The following ARHGAP36 variants were observed in gnomAD, a reference collection of about 807,000 sequenced individuals.
The protein encoded by ARHGAP36 is Rho GTPase activating protein 36.
ARHGAP36 carries 7 observed loss-of-function variants against 32.9 expected under a neutral mutation model. The ratio of observed to expected loss-of-function variants is 0.21; its 90% CI spans 0.12 to 0.40. ARHGAP36 has a LOEUF of 0.40. ARHGAP36 is among the 10% of genes least tolerant of loss of function. The probability of loss-of-function intolerance (pLI) is 1.00; values close to 1 mark genes in which losing one functional copy is unlikely to be tolerated. For missense variants in ARHGAP36, 383 were observed against 442.2 expected, an observed-to-expected ratio of 0.87 and a Z score of 1.20; for synonymous variants, 165 against 168.3, an observed-to-expected ratio of 0.98 and a Z score of 0.15.
At chrX:131,060,297 T>A (rs2079661877) in intron 1 of ARHGAP36, among the ~76,000 whole-genome samples, 5 of 112,005 alleles carry the variant, frequency 4.5e-5, no homozygotes, top group African/African-American at 1.6e-4. Flanking sequence ...CCTGGAAAGC[T>A]GACTTTCCCT....
chrX:131,074,678 T>G (rs891249781), intron 1 of ARHGAP36, among the ~76,000 whole-genome samples: 3 of 111,731 alleles, frequency 2.7e-5, no homozygotes, highest in African/African-American at 6.5e-5. Context: ...GTTAAACCCA[T>G]GGGCCTTTCT....
intron 1 of ARHGAP36, among the ~76,000 whole-genome samples, chrX:131,071,024 G>A (rs963703943): frequency 1.4e-4 from 15 of 110,755 alleles, no homozygotes; most frequent in Non-Finnish European, 2.1e-4. Flanking sequence ...CCAGAAAGAC[G>A]TACTCCAATG....
intron 1 of ARHGAP36, among the ~76,000 whole-genome samples, chrX:131,062,061 A>G (rs1422799916): frequency 8.9e-6 from 1 of 112,174 alleles, no homozygotes; most frequent in Non-Finnish European, 1.9e-5. Flanking sequence ...ACCTACTACA[A>G]CAACCTAAAT....
Position 131,081,837 on chromosome X carries a change from C to A in ARHGAP36, c.172C>A (p.Leu58Met), listed in dbSNP as rs757955720. Residue 58 changes from leucine to methionine, a missense_variant, in exon 2 of 12, where the codon CTG (leucine) becomes ATG (methionine). This residue lies in a region of ARHGAP36 where 156 missense variants were observed against 131.0 expected (regional missense o/e 1.19). Transcript: ENST00000276211. ...KMVSIHSLSE[L>M]ERLKLQETAY... is the part of the protein sequence containing the mutation. ...GGTATCGATACACAGCCTCTCTGAGCTGGAGCGTCTGAAGCTGCAAGAGAC... is the reference window on the plus strand; with the variant it reads ...GGTATCGATACACAGCCTCTCTGAGATGGAGCGTCTGAAGCTGCAAGAGAC... 2.5e-6 allele frequency: 3 copies of A among 1,212,072 alleles called. No individual in the cohort carries two copies. Among genetic ancestry groups the A allele is most frequent in the Non-Finnish European group, 2.2e-6 (2 of 895,606 alleles).
chrX:131,085,826 A>G (rs766836645), intron 8 of ARHGAP36, 87 bp from the exon 9 acceptor site: 14 of 1,175,570 alleles, frequency 1.2e-5, no homozygotes, highest in Non-Finnish European at 1.6e-5. Flanking sequence ...GAGGAGAGAG[A>G]GAAACAAGAA....
At chrX:131,067,998 C>A (rs1022906157) in intron 1 of ARHGAP36, among the ~76,000 whole-genome samples, 19 of 111,442 alleles carry the variant, frequency 1.7e-4, no homozygotes, top group African/African-American at 5.9e-4. Flanking sequence ...CACCACAGCA[C>A]GACCACAAAC....
chrX:131,066,098 G>C (rs188477867), intron 1 of ARHGAP36, among the ~76,000 whole-genome samples: 48 of 112,169 alleles, frequency 4.3e-4, no homozygotes, highest in African/African-American at 1.5e-3. Flanking sequence ...AGATGAGGCT[G>C]CTTGGAAGGC....
At chrX:131,079,771 A>G (rs1010031479) in intron 1 of ARHGAP36, among the ~76,000 whole-genome samples, 4 of 111,119 alleles carry the variant, frequency 3.6e-5, no homozygotes, top group Non-Finnish European at 5.7e-5. Context: ...TCTTGGCAAA[A>G]GGTTTAGTTC....
At chrX:131,074,338 AGT>A (rs55741600) in intron 1 of ARHGAP36, among the ~76,000 whole-genome samples, 4,183 of 103,076 alleles carry the variant, frequency 0.041, 136 homozygotes, top group Admixed American at 0.096. Flanking sequence ...TATGTGTGTG[AGT>A]GTGTGTGTGT....
Position 131,089,388 on chromosome X carries a change from C to G in ARHGAP36, c.*603C>G. 8.8e-6 allele frequency: 1 copy of G among 113,181 alleles called. No individual in the cohort carries two copies. The highest frequency in any genetic ancestry group is 9.3e-5 in the Admixed American group (1 of 10,759). 9.3% of individuals were successfully genotyped at this position (113,181 alleles called of 1,213,427 possible). ...AGACCAATGGCTTGCCAAATGGCCT[C>G]TCCCAAAATTCTGTACAGTTTTGCT... On this transcript the variant is annotated 3_prime_UTR_variant, in exon 12 of 12. Transcript: ENST00000276211.
intron 1 of ARHGAP36, chrX:131,078,784 C>T: frequency 1.0e-6 from 1 of 962,857 alleles, no homozygotes; most frequent in Non-Finnish European, 1.4e-6. Context: ...TCTGTTAGAA[C>T]TGCAGCATAT....
chrX:131,064,882 A>G (rs1219834639), intron 1 of ARHGAP36, among the ~76,000 whole-genome samples: 1 of 111,744 alleles, frequency 8.9e-6, no homozygotes, highest in African/African-American at 3.3e-5. Flanking sequence ...AATCAAACAA[A>G]TCTCTGTTTA....
intron 1 of ARHGAP36, 127 bp from the exon 2 acceptor site, chrX:131,081,397 T>G (rs2079797325): frequency 5.9e-6 from 3 of 510,625 alleles, no homozygotes; most frequent in African/African-American, 2.5e-5. Context: ...TAAAAAATGT[T>G]TTTCTCTTTT....
At chrX:131,072,092 G>C (rs1163682942) in intron 1 of ARHGAP36, among the ~76,000 whole-genome samples, 1 of 111,710 alleles carries the variant, frequency 9.0e-6, no homozygotes, top group Non-Finnish European at 1.9e-5. Context: ...TAAAAGGTAA[G>C]ATGGTTTGGG....
chrX:131,081,705 C>G lies in ARHGAP36; in HGVS notation c.40C>G (p.Leu14Val), dbSNP rs1311964635. The change falls in exon 2 of 12, where the codon CTG (leucine) becomes GTG (valine). Residue 14 changes from leucine (L) to valine (V), a missense_variant. Physicochemically the swap from Leu to Val is conservative, Grantham distance 32. Coordinates refer to ENST00000276211, the MANE Select transcript of ARHGAP36 (RefSeq NM_144967.4). ...TCCTTTTCTGAAGGCAGCAAGGGCACTGTGCCCCAGAATCATGCCCCCTTT... is the reference window on the plus strand; with the variant it reads ...TCCTTTTCTGAAGGCAGCAAGGGCAGTGTGCCCCAGAATCATGCCCCCTTT... The part of the protein sequence containing the change: ...CIPFLKAARA[L>V]CPRIMPPLLL... The G allele has an allele frequency of 9.1e-6, 11 of 1,211,397 alleles. No individual in the cohort carries two copies. The highest frequency in any genetic ancestry group is 1.2e-5 in the Non-Finnish European group (11 of 895,432).
intron 9 of ARHGAP36, 86 bp from the exon 10 acceptor site, chrX:131,086,243 C>T (rs2079834769): frequency 1.8e-6 from 2 of 1,114,280 alleles, no homozygotes; most frequent in Non-Finnish European, 2.5e-6. Flanking sequence ...GGCCCTGGTA[C>T]CTTTAGTCCT....
chrX:131,058,489 G>A, intron 1 of ARHGAP36, 45 bp downstream of exon 1: 1 of 994,367 alleles, frequency 1.0e-6, no homozygotes, highest in Non-Finnish European at 1.3e-6. Flanking sequence ...GCTCGGCCGG[G>A]GGCGGCCGGC....
At chrX:131,087,474 A>G (rs2079841366) in intron 11 of ARHGAP36, among the ~76,000 whole-genome samples, 2 of 111,503 alleles carry the variant, frequency 1.8e-5, no homozygotes, top group South Asian at 7.6e-4. Context: ...AAGAATCTCC[A>G]GAGGTTAGTG....
intron 1 of ARHGAP36, among the ~76,000 whole-genome samples, chrX:131,079,725 G>A (rs769614082): frequency 9.0e-6 from 1 of 110,808 alleles, no homozygotes; most frequent in East Asian, 2.8e-4. Context: ...CCATGGGAAA[G>A]AGACATTCAG....
Sources: gnomAD v4.1 joint callset for allele counts (sites outside exome capture counted in the v4.1 genomes callset) on GRCh38, gnomAD v4.1.1 for gene constraint, gnomAD v4.1.1 regional missense constraint, MANE v1.5 for transcripts, NCBI Gene and HGNC (gene_info 2026-07-23, HGNC 2026-07-21) for gene names.